The following CCDC91 variants were observed in gnomAD, a reference collection of about 807,000 sequenced individuals.
CCDC91 encodes the protein coiled-coil domain-containing protein 91.
A neutral mutation model predicts 63.2 loss-of-function variants in CCDC91; 48 were observed. That is an observed-to-expected ratio of 0.76 (90% CI 0.60 to 0.97). The LOEUF (loss-of-function observed/expected upper bound fraction) is 0.97. Ranked by LOEUF, CCDC91 falls within the 50% of genes least tolerant of loss-of-function variation. CCDC91 has a pLI of 0.00. For missense variants in CCDC91, 500 were observed against 494.6 expected (o/e 1.01, Z -0.10); for synonymous variants, 167 against 165.8 (o/e 1.01, Z -0.06).
chr12:28,269,777 G>T (rs1463540973), intron 3 of CCDC91, among the ~76,000 whole-genome samples: 1 of 152,034 alleles, frequency 6.6e-6, no homozygotes, highest in Non-Finnish European at 1.5e-5. Flanking sequence ...TGAATATTTT[G>T]TTGTAATTCC....
chr12:28,342,487 G>A, intron 6 of CCDC91, among the ~76,000 whole-genome samples: 1 of 152,092 alleles, frequency 6.6e-6, no homozygotes, highest in East Asian at 1.9e-4. Context: ...GAAAGGAAGT[G>A]GAATCAGGAT....
intron 8 of CCDC91, among the ~76,000 whole-genome samples, chr12:28,441,870 T>C (rs369657027): frequency 1.2e-4 from 19 of 152,072 alleles, no homozygotes; most frequent in African/African-American, 4.3e-4. Flanking sequence ...ATGATAAAGA[T>C]GTGTATCACA....
intron 6 of CCDC91, among the ~76,000 whole-genome samples, chr12:28,360,077 T>C (rs1467333845): frequency 6.6e-6 from 1 of 152,222 alleles, no homozygotes; most frequent in Admixed American, 6.5e-5. Context: ...TATCTTAAAG[T>C]AGATCGTTGC....
intron 8 of CCDC91, among the ~76,000 whole-genome samples, chr12:28,441,082 A>G (rs1949177316): frequency 5.0e-5 from 1 of 20,002 alleles, no homozygotes; most frequent in Admixed American, 3.9e-4. Flanking sequence ...AAAAAAAAAA[A>G]AAGAAAAGAA....
At chr12:28,475,785 C>T (rs1375341971) in intron 11 of CCDC91, among the ~76,000 whole-genome samples, 1 of 151,976 alleles carries the variant, frequency 6.6e-6, no homozygotes, top group Non-Finnish European at 1.5e-5. Context: ...TCTTCGACTT[C>T]TCAGGCTCCA....
intron 12 of CCDC91, among the ~76,000 whole-genome samples, chr12:28,520,018 TGCCGCAATAAA>T (rs1275058847): frequency 2.6e-5 from 4 of 152,142 alleles, no homozygotes; most frequent in Non-Finnish European, 5.9e-5. Flanking sequence ...TTGTGAATAG[TGCCGCAATAAA>T]CATACCTGTG....
chr12:28,286,252 G>T (rs1300361407), intron 3 of CCDC91, among the ~76,000 whole-genome samples: 1 of 151,940 alleles, frequency 6.6e-6, no homozygotes, highest in Admixed American at 6.6e-5. Flanking sequence ...TACGTGTGAA[G>T]GTTTGTTATA....
chr12:28,408,681 A>C (rs1947124247), intron 8 of CCDC91, among the ~76,000 whole-genome samples: 1 of 151,856 alleles, frequency 6.6e-6, no homozygotes, highest in Non-Finnish European at 1.5e-5. Flanking sequence ...CTTGCTCTGT[A>C]TCCCAGGCTG....
chr12:28,334,378 C>T lies in CCDC91; in HGVS notation c.576+26629C>T, dbSNP rs185257187. ...AATATTTAAGCACCTAATATGAGCT[C>T]TTTATATTCTTGGCATTATATTAAT... On this transcript the variant is annotated intron_variant, in intron 6 of 12. Transcript: ENST00000536442. Among the ~76,000 whole-genome samples the T allele has an allele frequency of 7.2e-5, 11 of 152,224 alleles. No individual in the cohort carries two copies. The East Asian group carries it at 1.5e-3, about 21-fold the overall frequency.
chr12:28,426,225 T>C (rs1408772598), intron 8 of CCDC91, among the ~76,000 whole-genome samples: 1 of 152,200 alleles, frequency 6.6e-6, no homozygotes, highest in Non-Finnish European at 1.5e-5. Flanking sequence ...TCTGGCTGTT[T>C]TCAAAATTTC....
intron 3 of CCDC91, among the ~76,000 whole-genome samples, chr12:28,293,491 C>T (rs921083685): frequency 6.6e-6 from 1 of 152,126 alleles, no homozygotes; most frequent in African/African-American, 2.4e-5. Context: ...TATTTGAGGA[C>T]TGTTGCTTTT....
chr12:28,255,462 C>T (rs1177523598), intron 1 of CCDC91: 1 of 152,106 alleles, frequency 6.6e-6, no homozygotes, highest in Non-Finnish European at 1.5e-5. Flanking sequence ...TTCATAATTT[C>T]TTCATGAAAA....
intron 1 of CCDC91, among the ~76,000 whole-genome samples, chr12:28,233,447 C>T (rs538786683): frequency 6.6e-6 from 1 of 152,102 alleles, no homozygotes; most frequent in Non-Finnish European, 1.5e-5. Flanking sequence ...TAGAGAACAT[C>T]TCCTTGTTAT....
chr12:28,537,340 CTT>C (rs1565540854), intron 12 of CCDC91, among the ~76,000 whole-genome samples: 1 of 152,128 alleles, frequency 6.6e-6, no homozygotes, highest in East Asian at 1.9e-4. Context: ...TTCATAGACT[CTT>C]AAGCTATTAT....
intron 8 of CCDC91, among the ~76,000 whole-genome samples, chr12:28,392,567 A>G (rs1355689808): frequency 6.6e-6 from 1 of 152,206 alleles, no homozygotes; most frequent in African/African-American, 2.4e-5. Context: ...GTTCCACCCA[A>G]TCACAATGGG....
chr12:28,233,931 G>A (rs574013555), intron 1 of CCDC91, among the ~76,000 whole-genome samples: 12 of 152,128 alleles, frequency 7.9e-5, no homozygotes, highest in African/African-American at 2.6e-4. Context: ...TAAAATACCG[G>A]TAAAATTGAT....
chr12:28,257,329 A>G, intron 2 of CCDC91, 84 bp downstream of exon 2: 3 of 789,964 alleles, frequency 3.8e-6, no homozygotes, highest in South Asian at 1.7e-5. Flanking sequence ...ATTATATTTC[A>G]TTGGCATTCA....
At chr12:28,371,464 G>A (rs1944617874) in intron 7 of CCDC91, among the ~76,000 whole-genome samples, 1 of 152,136 alleles carries the variant, frequency 6.6e-6, no homozygotes, top group Non-Finnish European at 1.5e-5. Context: ...GTTTCCTGGT[G>A]CCAAAAAGGT....
At chr12:28,423,490 G>A (rs1300314557) in intron 8 of CCDC91, among the ~76,000 whole-genome samples, 4 of 152,140 alleles carry the variant, frequency 2.6e-5, no homozygotes, top group Admixed American at 6.6e-5. Flanking sequence ...ATGGTAGAAT[G>A]TCAAGGGGTA....
Sources: gnomAD v4.1 joint callset for allele counts (sites outside exome capture counted in the v4.1 genomes callset) on GRCh38, gnomAD v4.1.1 for gene constraint, MANE v1.5 for transcripts, NCBI Gene and HGNC (gene_info 2026-07-23, HGNC 2026-07-21) for gene names.